The following CRIM1 variants were observed in gnomAD, a reference collection of about 807,000 sequenced individuals.
CRIM1 encodes cysteine-rich motor neuron 1 protein.
In CRIM1, 32 loss-of-function variants were observed where a neutral mutation model predicts 116.4. That is an observed-to-expected ratio of 0.27 (90% CI 0.21 to 0.37). The LOEUF (loss-of-function observed/expected upper bound fraction) is 0.37. CRIM1 is among the 10% of genes least tolerant of loss of function. CRIM1 has a pLI of 1.00. For synonymous variants in CRIM1, 590 were observed against 509.2 expected, an observed-to-expected ratio of 1.16 and a Z score of -2.13; for missense variants, 1,331 against 1,354.8, an observed-to-expected ratio of 0.98 and a Z score of 0.28.
chr2:36,446,638 C>T (rs924382564), intron 4 of CRIM1, among the ~76,000 whole-genome samples: 2 of 152,182 alleles, frequency 1.3e-5, no homozygotes, highest in Non-Finnish European at 2.9e-5. Flanking sequence ...TTTGATTCTT[C>T]CTTCCCTCAA....
chr2:36,421,711 C>A (rs1674080260), intron 2 of CRIM1, among the ~76,000 whole-genome samples: 1 of 152,196 alleles, frequency 6.6e-6, no homozygotes, highest in Non-Finnish European at 1.5e-5. Context: ...GGCCTCTTTT[C>A]ACAGCCATTA....
chr2:36,513,500 C>G (rs2293254), intron 10 of CRIM1, 56 bp from the exon 11 acceptor site: 487,268 of 1,407,512 alleles, frequency 0.35, 86,667 homozygotes, highest in African/African-American at 0.47. Flanking sequence ...GACTCTGTAG[C>G]CTGTTTCTCC....
chr2:36,529,442 G>A (rs1210739585), intron 13 of CRIM1: 3 of 214,072 alleles, frequency 1.4e-5, no homozygotes, highest in South Asian at 1.5e-4. Context: ...TCCTTATTTG[G>A]GCCACCTTGA....
chr2:36,529,535 T>C (rs1170238792), intron 13 of CRIM1: 2 of 200,014 alleles, frequency 1.0e-5, no homozygotes, highest in African/African-American at 2.3e-5. Context: ...CATGTACCTG[T>C]AGATGCATCT....
Position 36,396,905 on chromosome 2 carries a change from T to C in CRIM1, c.505+118T>C, listed in dbSNP as rs1672069325. The C allele has an allele frequency of 4.7e-6, 4 of 857,398 alleles. No individual in the cohort carries two copies. In the South Asian group the frequency reaches 7.9e-5, roughly 17 times the overall value. 53.1% of individuals were successfully genotyped at this position (857,398 alleles called of 1,614,324 possible). A position where few individuals can be genotyped will look rare whatever the true frequency, so the allele number is the denominator to read the frequency against. Reference sequence around the variant, plus strand: ...CAAGTTTACAGAGAGTGGTAGTTTGTATAATCCCAACTAAGATGCATAAAG... The same window carrying C: ...CAAGTTTACAGAGAGTGGTAGTTTGCATAATCCCAACTAAGATGCATAAAG... On this transcript the variant is annotated intron_variant, in intron 2 of 16. Transcript: ENST00000280527.
chr2:36,409,081 G>A (rs1396745775), intron 2 of CRIM1, among the ~76,000 whole-genome samples: 1 of 151,908 alleles, frequency 6.6e-6, no homozygotes, highest in East Asian at 1.9e-4. Flanking sequence ...CTAATGGGAG[G>A]AAGCAGGGCT....
chr2:36,501,390 A>G (rs999623128), intron 8 of CRIM1, among the ~76,000 whole-genome samples: 7 of 152,246 alleles, frequency 4.6e-5, no homozygotes, highest in African/African-American at 1.7e-4. Context: ...CCATCACACT[A>G]TCTACAGTGG....
chr2:36,356,768 C>A lies in CRIM1; in HGVS notation c.331+145C>A. 5.3e-6 allele frequency: 4 copies of A among 751,156 alleles called. No individual in the cohort carries two copies. The highest frequency in any genetic ancestry group is 8.4e-6 in the Non-Finnish European group (4 of 474,842). 46.5% of individuals were successfully genotyped at this position (751,156 alleles called of 1,614,324 possible). A position where few individuals can be genotyped will look rare whatever the true frequency, so the allele number is the denominator to read the frequency against. ...GGCGGCCGCCGCCCCCAGGAGAGTG[C>A]CCCCGCGGCCCTGCGTTCCCTCTCC... On this transcript the variant is annotated intron_variant, in intron 1 of 16. Coordinates refer to ENST00000280527, the MANE Select transcript of CRIM1 (RefSeq NM_016441.3). This position sits in a 1 kb window ranked among gnomAD's most constrained non-coding sequence, Gnocchi z 4.3.
intron 2 of CRIM1, among the ~76,000 whole-genome samples, chr2:36,440,110 A>G (rs1675679243): frequency 6.6e-6 from 1 of 152,222 alleles, no homozygotes; most frequent in East Asian, 1.9e-4. Context: ...CACTGCTATG[A>G]TATCAAGACC....
chr2:36,517,468 A>C lies in CRIM1; in HGVS notation c.2132A>C (p.Glu711Ala). 1.2e-6 allele frequency: 2 copies of C among 1,614,216 alleles called. No homozygotes were observed. Among genetic ancestry groups the C allele is most frequent in the Non-Finnish European group, 1.7e-6 (2 of 1,180,030 alleles). ...CTCHSGRVLC[E>A]TEVCPPLLCQ... is the part of the protein sequence containing the mutation. The stretch of plus-strand genomic sequence containing the variant: ...TGCCACAGCGGACGGGTGCTGTGTG[A>C]GACAGAGGTGTGCCCACCGCTGCTC... The change falls in exon 12 of 17, where the codon GAG becomes GCG. Residue 711 changes from glutamate (E) to alanine (A), a missense_variant. Physicochemically the swap from Glu to Ala is moderately radical, Grantham distance 107 (BLOSUM62 -1). Around this residue, in one of 3 missense-constraint regions of CRIM1, gnomAD observed 358 missense variants for 436.1 expected, o/e 0.82. Coordinates refer to ENST00000280527, the MANE Select transcript of CRIM1 (RefSeq NM_016441.3).
Position 36,441,230 on chromosome 2 carries a change from T to C in CRIM1, c.506-28T>C, listed in dbSNP as rs1409330380. 5.6e-6 allele frequency: 9 copies of C among 1,613,754 alleles called. No individual in the cohort carries two copies. The African/African-American group carries it at 1.2e-4, about 22-fold the overall frequency. The stretch of plus-strand genomic sequence containing the variant: ...AAAGTGCCCCACACTGCCCTGGGCA[T>C]AAGCTAAATTCTTTCTCTCCCTTTT... On this transcript the variant is annotated intron_variant, in intron 2 of 16. Coordinates refer to ENST00000280527, the MANE Select transcript of CRIM1 (RefSeq NM_016441.3).
chr2:36,474,349 T>G (rs1678788981), intron 5 of CRIM1, among the ~76,000 whole-genome samples: 1 of 152,194 alleles, frequency 6.6e-6, no homozygotes, highest in Non-Finnish European at 1.5e-5. Context: ...GTTTTGTTCC[T>G]TTGTTGCTTA....
At chr2:36,530,034 ATTT>A (rs966218977) in intron 13 of CRIM1, among the ~76,000 whole-genome samples, 5 of 151,674 alleles carry the variant, frequency 3.3e-5, no homozygotes, top group Non-Finnish European at 7.4e-5. Context: ...TTAAGATCAG[ATTT>A]TTTTTTATTG....
intron 1 of CRIM1, among the ~76,000 whole-genome samples, chr2:36,375,972 C>T (rs1427328087): frequency 3.3e-5 from 5 of 152,132 alleles, no homozygotes; most frequent in Non-Finnish European, 7.3e-5. Context: ...TTGGCACCCA[C>T]CATAACCACC....
chr2:36,469,907 A>G (rs1678357219), intron 5 of CRIM1, among the ~76,000 whole-genome samples: 1 of 152,116 alleles, frequency 6.6e-6, no homozygotes, highest in East Asian at 1.9e-4. Context: ...TTTTCCTGAA[A>G]TAGGATATGC....
rs542463659 is a variant in CRIM1, at chr2:36,402,220, A to G, written c.505+5433A>G. Among the ~76,000 whole-genome samples, 20 of 152,330 alleles carry G rather than the reference A, an allele frequency of 1.3e-4. No individual in the cohort carries two copies. In the South Asian group the frequency reaches 4.1e-3, roughly 32 times the overall value. On this transcript the variant is annotated intron_variant, in intron 2 of 16. Coordinates refer to ENST00000280527, the MANE Select transcript of CRIM1 (RefSeq NM_016441.3). ...GGAAAACAGTAACCAGTATGCTGTG[A>G]TAGAGAATTACTTGGAAAATTGCTG...
At chr2:36,426,523 G>A (rs1034858717) in intron 2 of CRIM1, among the ~76,000 whole-genome samples, 2 of 152,080 alleles carry the variant, frequency 1.3e-5, no homozygotes, top group African/African-American at 4.8e-5. Flanking sequence ...TCTTGAATAG[G>A]GAAGATAGTG....
intron 5 of CRIM1, among the ~76,000 whole-genome samples, chr2:36,474,454 G>C (rs554439871): frequency 6.6e-6 from 1 of 152,270 alleles, no homozygotes; most frequent in East Asian, 1.9e-4. Context: ...AGGTGTAGCT[G>C]TTGTATTTAG....
intron 8 of CRIM1, among the ~76,000 whole-genome samples, chr2:36,501,639 T>A (rs558211000): frequency 6.6e-6 from 1 of 152,288 alleles, no homozygotes; most frequent in Admixed American, 6.5e-5. Context: ...GGGCGATCTC[T>A]TGAGCTCGGG....
Sources: gnomAD v4.1 joint callset for allele counts (sites outside exome capture counted in the v4.1 genomes callset) on GRCh38, gnomAD v4.1.1 for gene constraint, gnomAD v4.1.1 regional missense constraint, Gnocchi (gnomAD v3.1) non-coding constraint, MANE v1.5 for transcripts, NCBI Gene and HGNC (gene_info 2026-07-23, HGNC 2026-07-21) for gene names.